TECTA: variants seen among roughly 807,000 people sequenced by gnomAD.
The protein encoded by TECTA is tectorin alpha, also known as alpha-tectorin.
In TECTA, 128 loss-of-function variants were observed where a neutral mutation model predicts 216.8. The observed-to-expected ratio is 0.59, with a 90% confidence interval of 0.51 to 0.68. The LOEUF (loss-of-function observed/expected upper bound fraction) is 0.68. Ranked by LOEUF, TECTA falls within the 30% of genes least tolerant of loss-of-function variation. The pLI is 0.00. For synonymous variants in TECTA, 1,089 were observed against 1,117.1 expected, an observed-to-expected ratio of 0.97 and a Z score of 0.50; for missense variants, 2,551 against 2,786.2, an observed-to-expected ratio of 0.92 and a Z score of 1.90.
rs1341950044 is a variant in TECTA at position 121,190,011 on chromosome 11, G to A, written c.6367+131G>A. 5 of 737,420 alleles carry A rather than the reference G, an allele frequency of 6.8e-6. No individual in the cohort carries two copies. The African/African-American group carries it at 6.9e-5, about 10-fold the overall frequency. 45.7% of individuals were successfully genotyped at this position (737,420 alleles called of 1,614,324 possible). A position where few individuals can be genotyped will look rare whatever the true frequency, so the allele number is the denominator to read the frequency against. On this transcript the variant is annotated intron_variant, in intron 23 of 23. Transcript: ENST00000392793. The stretch of plus-strand genomic sequence containing the variant: ...CTCGAAAACTCCAGAAATTAAGAAG[G>A]AAAGATGGGGAACATGCCCAAGGAA...
At chr11:121,162,014 T>A (rs1248251334) in intron 15 of TECTA, 61 bp from the exon 16 acceptor site, 1 of 1,608,428 alleles carries the variant, frequency 6.2e-7, no homozygotes, top group South Asian at 1.1e-5. Flanking sequence ...CAGGTACAGA[T>A]GCAATTTACC....
chr11:121,151,893 T>A (rs1337812899), intron 12 of TECTA, among the ~76,000 whole-genome samples: 2 of 152,210 alleles, frequency 1.3e-5, no homozygotes, highest in East Asian at 1.9e-4. Flanking sequence ...ATACGTTGAT[T>A]GAGATAATAG....
rs1425376449 is a variant in TECTA at position 121,191,227 on chromosome 11, G to T, written c.*421G>T. On this transcript the variant is annotated 3_prime_UTR_variant, in exon 24 of 24. Coordinates refer to ENST00000392793, the MANE Select transcript of TECTA (RefSeq NM_005422.4). ...ACGATTTTGAAGTGATGACTGGAAG[G>T]TTTGACTCCCTCTAAGGAATCTTGC... The T allele has an allele frequency of 1.0e-5, 3 of 287,226 alleles. No individual in the cohort carries two copies. The highest frequency in any genetic ancestry group is 5.0e-5 in the Admixed American group (1 of 20,200). 17.8% of individuals were successfully genotyped at this position (287,226 alleles called of 1,614,324 possible). A position where few individuals can be genotyped will look rare whatever the true frequency, so the allele number is the denominator to read the frequency against.
intron 20 of TECTA, among the ~76,000 whole-genome samples, chr11:121,170,514 A>C (rs1947101248): frequency 6.6e-6 from 1 of 152,006 alleles, no homozygotes. Flanking sequence ...TGTTTCCCAT[A>C]ATGGCTGTAC....
Position 121,160,284 on chromosome 11 carries a change from G to A in TECTA, c.4839G>A (p.Arg1613=), listed in dbSNP as rs771341880. 1.9e-6 allele frequency: 3 copies of A among 1,614,088 alleles called. No individual in the cohort carries two copies. The African/African-American group carries it at 4.0e-5, about 22-fold the overall frequency. Residue 1613 remains arginine, a synonymous_variant, in exon 15 of 24, where the codon AGG becomes AGA. Transcript: ENST00000392793. ...FNVIKISISE[R]LQNKVCGLCG... is the part of the protein sequence containing the mutation. Reference sequence around the variant, plus strand: ...TCATTAAAATCAGCATCAGCGAGAGGCTGCAGAACAAAGTGTGCGGTCTCT... The same window carrying A: ...TCATTAAAATCAGCATCAGCGAGAGACTGCAGAACAAAGTGTGCGGTCTCT...
In TECTA at chr11:121,191,281, A is replaced by C; in HGVS notation, c.*475A>C. The C allele has an allele frequency of 4.2e-6, 1 of 235,798 alleles. No individual in the cohort carries two copies. The highest frequency in any genetic ancestry group is 6.6e-5 in the South Asian group (1 of 15,198). 14.6% of individuals were successfully genotyped at this position (235,798 alleles called of 1,614,324 possible). Reference sequence around the variant, plus strand: ...TGTTTGGAAGTGTCCGATCTACGTTATGCACGTGTTCTGTCTATGAGGCGC... The same window carrying C: ...TGTTTGGAAGTGTCCGATCTACGTTCTGCACGTGTTCTGTCTATGAGGCGC... On this transcript the variant is annotated 3_prime_UTR_variant, in exon 24 of 24. Transcript: ENST00000392793.
intron 11 of TECTA, among the ~76,000 whole-genome samples, chr11:121,144,075 A>G (rs1056683462): frequency 6.6e-6 from 1 of 152,124 alleles, no homozygotes; most frequent in South Asian, 2.1e-4. Context: ...CATCCTTCAC[A>G]CTCACGGCAC....
At chr11:121,161,450 T>G (rs975592291) in intron 15 of TECTA, among the ~76,000 whole-genome samples, 4 of 151,746 alleles carry the variant, frequency 2.6e-5, no homozygotes, top group Non-Finnish European at 5.9e-5. Context: ...CATTGTAGTG[T>G]TTCCAAAGAT....
rs1946470788 is a variant in TECTA, at chr11:121,113,914, T to G, written c.790+196T>G. Among the ~76,000 whole-genome samples, 1 of 152,216 alleles carries G rather than the reference T, an allele frequency of 6.6e-6. No individual in the cohort carries two copies. The highest frequency in any genetic ancestry group is 1.9e-4 in the East Asian group (1 of 5,206). ...AGCTAAAACACTGCATTCACTACCT[T>G]GTGGCTTTGGAAGTCCTTTTCTGGA... On this transcript the variant is annotated intron_variant, in intron 6 of 23. Coordinates refer to ENST00000392793, the MANE Select transcript of TECTA (RefSeq NM_005422.4). The surrounding 1 kb of genome is among the most constrained non-coding windows in gnomAD (Gnocchi z 4.2).
rs1946460583 is a variant in TECTA, at chr11:121,113,276, C to T, written c.624+67C>T. 11 of 1,610,256 alleles carry T rather than the reference C, an allele frequency of 6.8e-6. No individual in the cohort carries two copies. The South Asian group carries it at 1.2e-4, about 18-fold the overall frequency. On this transcript the variant is annotated intron_variant, in intron 5 of 23. Coordinates refer to ENST00000392793, the MANE Select transcript of TECTA (RefSeq NM_005422.4). The surrounding 1 kb of genome is among the most constrained non-coding windows in gnomAD (Gnocchi z 4.2). ...TGCACTCTCTGCTTCTGTGGCTCAGCATCCTGGAGGGAATCCTGCCACCAG... is the reference window on the plus strand; with the variant it reads ...TGCACTCTCTGCTTCTGTGGCTCAGTATCCTGGAGGGAATCCTGCCACCAG...
At chr11:121,140,741 C>T (rs904215696) in intron 11 of TECTA, among the ~76,000 whole-genome samples, 2 of 152,170 alleles carry the variant, frequency 1.3e-5, no homozygotes, top group Admixed American at 1.3e-4. Context: ...CAGTCTCTGC[C>T]TCCGCCTTTA....
chr11:121,137,216 AC>A (rs1350037238), intron 10 of TECTA, among the ~76,000 whole-genome samples: 1 of 152,054 alleles, frequency 6.6e-6, no homozygotes, highest in Non-Finnish European at 1.5e-5. Flanking sequence ...GCACTCGCAC[AC>A]ATGCATGCAC....
At chr11:121,162,630 G>C (rs554613343) in intron 16 of TECTA, among the ~76,000 whole-genome samples, 1 of 152,336 alleles carries the variant, frequency 6.6e-6, no homozygotes, top group South Asian at 2.1e-4. Flanking sequence ...CTCTGGGTTG[G>C]AAGAGCCCTG....
Position 121,118,466 on chromosome 11 carries a change from G to A in TECTA, c.951G>A (p.Val317=). 6.2e-7 allele frequency: 1 copy of A among 1,614,186 alleles called. No homozygotes were observed. Among genetic ancestry groups the A allele is most frequent in the Non-Finnish European group, 8.5e-7 (1 of 1,180,036 alleles). Residue 317 remains valine (V), a synonymous_variant, in exon 7 of 24, where the codon GTG becomes GTA. Transcript: ENST00000392793. The part of the protein sequence containing the change: ...PKGKFFYCSA[V]ETSTCVVFGE... ...GCAAATTCTTCTACTGCAGCGCTGT[G>A]GAGACCAGCACATGCGTGGTGTTTG...
At chr11:121,161,587 A>G in intron 15 of TECTA, among the ~76,000 whole-genome samples, 1 of 2,696 alleles carries the variant, frequency 3.7e-4, no homozygotes, top group East Asian at 6.0e-3. Context: ...TTTTTAAATA[A>G]ACTATTATCA....
Position 121,129,905 on chromosome 11 carries a change from A to T in TECTA, c.2635A>T (p.Thr879Ser). Residue 879 changes from threonine to serine, a missense_variant, in exon 10 of 24, where the codon ACA becomes TCA. Physicochemically the swap from Thr to Ser is moderately conservative, Grantham distance 58 (BLOSUM62 1). Around this residue, in one of 3 missense-constraint regions of TECTA, gnomAD observed 2,375 missense variants for 2,563.9 expected, o/e 0.93. Coordinates refer to ENST00000392793, the MANE Select transcript of TECTA (RefSeq NM_005422.4). ...CCTGGCAGTGTTCCTGGAAAGCTGG[A>T]CAACTTTCGAGGAGATCTGCAATGG... ...DNLAVFLESW[T>S]TFEEICNGEC... 6.2e-7 allele frequency: 1 copy of T among 1,614,028 alleles called. No homozygotes were observed. Among genetic ancestry groups the T allele is most frequent in the South Asian group, 1.1e-5 (1 of 91,068 alleles).
At chr11:121,134,325 C>CCACACACACACACACA (rs6144537) in intron 10 of TECTA, among the ~76,000 whole-genome samples, 12,550 of 146,714 alleles carry the variant, frequency 0.086, 668 homozygotes, top group African/African-American at 0.13. Flanking sequence ...AAAACCAACA[C>CCACACACACACACACA]CACACACACA....
chr11:121,125,121 C>T (rs1456904966), intron 7 of TECTA, among the ~76,000 whole-genome samples, 181 bp from the exon 8 acceptor site: 1 of 152,246 alleles, frequency 6.6e-6, no homozygotes, highest in African/African-American at 2.4e-5. Context: ...CCACAAGCAG[C>T]TCTCTCCATT....
At chr11:121,132,762 C>G (rs1017009517) in intron 10 of TECTA, among the ~76,000 whole-genome samples, 1 of 152,158 alleles carries the variant, frequency 6.6e-6, no homozygotes. Context: ...CTCTCTCACC[C>G]AGGCTGGAGT....
Sources: gnomAD v4.1 joint callset for allele counts (sites outside exome capture counted in the v4.1 genomes callset) on GRCh38, gnomAD v4.1.1 for gene constraint, gnomAD v4.1.1 regional missense constraint, Gnocchi (gnomAD v3.1) non-coding constraint, MANE v1.5 for transcripts, NCBI Gene and HGNC (gene_info 2026-07-23, HGNC 2026-07-21) for gene names.